OTULINL: variants seen among roughly 807,000 people sequenced by gnomAD.
The protein encoded by OTULINL is OTU deubiquitinase with linear linkage specificity like, also known as inactive ubiquitin thioesterase OTULINL.
A neutral mutation model predicts 43.9 loss-of-function variants in OTULINL; 42 were observed. The observed-to-expected ratio is 0.96, with a 90% CI of 0.75 to 1.24. The LOEUF is 1.24. OTULINL is among the 50% of genes most tolerant of loss of function. The pLI is 0.00. For synonymous variants in OTULINL, 172 were observed against 153.6 expected (o/e 1.12, Z -0.88); for missense variants, 411 against 426.4 (o/e 0.96, Z 0.32).
At chr5:14,602,401 T>G in intron 5 of OTULINL, 69 bp downstream of exon 5, 3 of 1,439,342 alleles carry the variant, frequency 2.1e-6, no homozygotes. Context: ...CTCCTAGTCT[T>G]TGGGGGCTTT....
chr5:14,602,714 G>T (rs1759409846), intron 5 of OTULINL, among the ~76,000 whole-genome samples: 2 of 152,126 alleles, frequency 1.3e-5, no homozygotes, highest in Non-Finnish European at 2.9e-5. Context: ...TGGATTATAG[G>T]TGTGAGCCAT....
intron 7 of OTULINL, 73 bp downstream of exon 7, chr5:14,609,090 G>T (rs558978556): frequency 6.6e-7 from 1 of 1,505,540 alleles, no homozygotes; most frequent in South Asian, 1.3e-5. Context: ...GAGGTGTCTG[G>T]GGTGACTTTT....
intron 7 of OTULINL, among the ~76,000 whole-genome samples, chr5:14,609,621 A>ATTTTTTT (rs201855537): frequency 6.8e-5 from 7 of 102,214 alleles, no homozygotes; most frequent in African/African-American, 2.5e-4. Flanking sequence ...TTTTCCTGTG[A>ATTTTTTT]TTTTTTTTTT....
intron 5 of OTULINL, among the ~76,000 whole-genome samples, chr5:14,606,131 T>C (rs1008146981): frequency 6.6e-6 from 1 of 152,206 alleles, no homozygotes; most frequent in African/African-American, 2.4e-5. Context: ...CAGTTCCATG[T>C]GGCTGGGGAA....
chr5:14,599,088 G>A (rs577086146), intron 1 of OTULINL, among the ~76,000 whole-genome samples: 45 of 152,270 alleles, frequency 3.0e-4, no homozygotes, highest in Non-Finnish European at 4.7e-4. Flanking sequence ...AAATGTCTAG[G>A]TAAGAATAAA....
chr5:14,606,043 C>G (rs556908715), intron 5 of OTULINL, among the ~76,000 whole-genome samples: 1 of 152,272 alleles, frequency 6.6e-6, no homozygotes, highest in South Asian at 2.1e-4. Context: ...CTGTATTAGT[C>G]TGTTTTCACA....
rs1342631884 is a variant in OTULINL, at chr5:14,601,048, T to C, written c.148T>C (p.Leu50=). The part of the protein sequence containing the change: ...VWRMAKGFVM[L]AVSFLVAAIC... ...GAGAATGGCAAAAGGCTTTGTGATG[T>C]TGGCAGTTTCATTTCTGGTGGCTGC... The change falls in exon 2 of 8, where the codon TTG becomes CTG. Residue 50 remains leucine (L), a synonymous_variant. Coordinates refer to ENST00000274217, the MANE Select transcript of OTULINL (RefSeq NM_019018.3). The C allele has an allele frequency of 6.2e-7, 1 of 1,613,724 alleles. No individual in the cohort carries two copies. The highest frequency in any genetic ancestry group is 2.2e-5 in the East Asian group (1 of 44,848).
intron 7 of OTULINL, 42 bp from the exon 8 acceptor site, chr5:14,610,099 T>C (rs753748158): frequency 6.4e-7 from 1 of 1,572,544 alleles, no homozygotes; most frequent in Non-Finnish European, 8.7e-7. Context: ...GGCAGGAATT[T>C]GCAAGTGTGT....
rs541029747 is a variant in OTULINL, at chr5:14,612,263, A to C, written c.*1949A>C. On this transcript the variant is annotated 3_prime_UTR_variant, in exon 8 of 8. Transcript: ENST00000274217. The stretch of plus-strand genomic sequence containing the variant: ...ATTGTTGCTCCAAAATTTTGGCTCC[A>C]CTTGAGCTGTCCAGAAGTGTACCTG... 1 of 152,332 alleles carries C rather than the reference A, an allele frequency of 6.6e-6. No homozygotes were observed. Among genetic ancestry groups the C allele is most frequent in the African/African-American group, 2.4e-5 (1 of 41,572 alleles). 9.4% of individuals were successfully genotyped at this position (152,332 alleles called of 1,614,324 possible).
In OTULINL at chr5:14,581,820, C is replaced by T; in HGVS notation, c.-75C>T. The stretch of plus-strand genomic sequence containing the variant: ...TCAGGGAAGCGAGCCCGGGCGCCGG[C>T]GGGCGGCCGTCGCGTCTGACAGACC... On this transcript the variant is annotated 5_prime_UTR_variant, in exon 1 of 8. Coordinates refer to ENST00000274217, the MANE Select transcript of OTULINL (RefSeq NM_019018.3). 2.5e-6 allele frequency: 3 copies of T among 1,199,128 alleles called. No individual in the cohort carries two copies. The highest frequency in any genetic ancestry group is 4.4e-5 in the Admixed American group (1 of 22,972). 74.3% of individuals were successfully genotyped at this position (1,199,128 alleles called of 1,614,324 possible).
intron 1 of OTULINL, among the ~76,000 whole-genome samples, chr5:14,596,717 G>A (rs1274235270): frequency 6.6e-6 from 1 of 152,142 alleles, no homozygotes; most frequent in Non-Finnish European, 1.5e-5. Flanking sequence ...CACAGACTGG[G>A]TGATTTATAA....
rs960454676 is a variant in OTULINL at position 14,614,759 on chromosome 5, G to A, written c.*4445G>A. ...GTGGCCCAAGAGCCAGCATGGAGGA[G>A]GGCTGTGTGAGCAGACTGCTATAGA... On this transcript the variant is annotated 3_prime_UTR_variant, in exon 8 of 8. Coordinates refer to ENST00000274217, the MANE Select transcript of OTULINL (RefSeq NM_019018.3). 3 of 398,638 alleles carry A rather than the reference G, an allele frequency of 7.5e-6. No homozygotes were observed. Among genetic ancestry groups the A allele is most frequent in the Non-Finnish European group, 8.8e-6 (2 of 226,074 alleles). The allele number at this position is 398,638 out of a possible 1,614,324, so 24.7% of individuals were successfully genotyped here.
Position 14,613,322 on chromosome 5 carries a change from C to CT in OTULINL, c.*3015dup, listed in dbSNP as rs542795842. Reference sequence around the variant, plus strand: ...AACTTTTTAAAATCTCCAAGACTGACTTTTTTTCAAAGCAGGCAACTTTAA... The same window carrying CT: ...AACTTTTTAAAATCTCCAAGACTGACTTTTTTTTCAAAGCAGGCAACTTTAA... On this transcript the variant is annotated 3_prime_UTR_variant, in exon 8 of 8. Transcript: ENST00000274217. Among the ~76,000 whole-genome samples the CT allele has an allele frequency of 6.6e-6, 1 of 152,198 alleles. No individual in the cohort carries two copies. Among genetic ancestry groups the CT allele is most frequent in the African/African-American group, 2.4e-5 (1 of 41,448 alleles).
Position 14,607,412 on chromosome 5 carries a change from A to G in OTULINL, c.581A>G (p.Asn194Ser), listed in dbSNP as rs1214219542. 1.2e-6 allele frequency: 2 copies of G among 1,614,180 alleles called. No individual in the cohort carries two copies. Among genetic ancestry groups the G allele is most frequent in the Non-Finnish European group, 1.7e-6 (2 of 1,180,008 alleles). The change falls in exon 6 of 8, where the codon AAT becomes AGT. Residue 194 changes from asparagine to serine, a missense_variant. By Grantham distance (46) the Asn-to-Ser change is conservative (BLOSUM62 1). Transcript: ENST00000274217. ...GGTCCTGAGAAGTATACAGGCTCGA[A>G]TGTGTTTGGAAAACTACGGAAATAT... ...SFGPEKYTGSNVFGKLRKYVE... is the reference protein window; with the variant it reads ...SFGPEKYTGSSVFGKLRKYVE...
intron 1 of OTULINL, among the ~76,000 whole-genome samples, chr5:14,596,147 GA>G (rs1759283833): frequency 1.3e-5 from 2 of 152,228 alleles, no homozygotes; most frequent in Admixed American, 1.3e-4. Context: ...ACTTTCTGGA[GA>G]TTTTTTTTGC....
chr5:14,596,462 T>A (rs1759289549), intron 1 of OTULINL, among the ~76,000 whole-genome samples: 1 of 152,218 alleles, frequency 6.6e-6, no homozygotes, highest in Non-Finnish European at 1.5e-5. Context: ...TATGACACTG[T>A]TTTGCAAGAT....
intron 5 of OTULINL, among the ~76,000 whole-genome samples, chr5:14,605,446 G>A (rs903411504): frequency 6.6e-6 from 1 of 152,140 alleles, no homozygotes; most frequent in Non-Finnish European, 1.5e-5. Flanking sequence ...GGTTTCTGAC[G>A]TGTCCTGGAG....
intron 5 of OTULINL, among the ~76,000 whole-genome samples, chr5:14,603,193 T>C (rs559018495): frequency 6.6e-6 from 1 of 152,378 alleles, no homozygotes; most frequent in Non-Finnish European, 1.5e-5. Flanking sequence ...TTCCTTTACA[T>C]GAATGTACTA....
chr5:14,601,266 T>C (rs1455530665), intron 3 of OTULINL, 22 bp downstream of exon 3: 2 of 1,609,588 alleles, frequency 1.2e-6, no homozygotes, highest in African/African-American at 2.7e-5. Flanking sequence ...CATTCATTTA[T>C]TTCTTTATTT....
Sources: gnomAD v4.1 joint callset for allele counts (sites outside exome capture counted in the v4.1 genomes callset) on GRCh38, gnomAD v4.1.1 for gene constraint, MANE v1.5 for transcripts, NCBI Gene and HGNC (gene_info 2026-07-23, HGNC 2026-07-21) for gene names.